Variants in PHRF1 observed in about 807,000 individuals in gnomAD.
PHRF1 encodes the protein PHD and RING finger domain-containing protein 1.
A neutral mutation model predicts 128.9 loss-of-function variants in PHRF1; 53 were observed. That is an observed-to-expected ratio of 0.41 (90% confidence interval 0.33 to 0.52). The LOEUF (loss-of-function observed/expected upper bound fraction) is 0.52. PHRF1 is among the 20% of genes least tolerant of loss of function. The pLI is 0.21. For synonymous variants in PHRF1, 1,178 were observed against 980.6 expected (o/e 1.20, Z -3.76); for missense variants, 2,503 against 2,284.5 (o/e 1.10, Z -1.95).
chr11:596,570 C>T (rs1855289886), intron 6 of PHRF1, among the ~76,000 whole-genome samples: 1 of 152,204 alleles, frequency 6.6e-6, no homozygotes, highest in Admixed American at 6.5e-5. Flanking sequence ...GCGTAAACCG[C>T]AGGTCTTCCT....
intron 6 of PHRF1, among the ~76,000 whole-genome samples, chr11:594,894 TAAAAC>T (rs71462100): frequency 0.32 from 49,100 of 151,928 alleles, 8,242 homozygotes; most frequent in Admixed American, 0.43. Context: ...ACTTGGCAGA[TAAAAC>T]AACGCAAGTA....
Position 607,115 on chromosome 11 carries a change from A to G in PHRF1, c.1659A>G (p.Glu553=). The G allele has an allele frequency of 1.2e-6, 2 of 1,609,042 alleles. No individual in the cohort carries two copies. The highest frequency in any genetic ancestry group is 2.2e-5 in the East Asian group (1 of 44,770). Residue 553 remains glutamate (E), a synonymous_variant, in exon 14 of 18, where the codon GAA becomes GAG. Coordinates refer to ENST00000264555, the MANE Select transcript of PHRF1 (RefSeq NM_001286581.2). ...RNSGSLSRGE[E]GFKGCLQPRA... The stretch of plus-strand genomic sequence containing the variant: ...CAGGCAGTCTGTCCAGAGGGGAAGA[A>G]GGATTCAAGGGCTGCCTGCAGCCCC...
intron 4 of PHRF1, among the ~76,000 whole-genome samples, chr11:588,691 AT>A (rs1182511646): frequency 3.3e-5 from 5 of 150,436 alleles, no homozygotes; most frequent in South Asian, 2.1e-4. Context: ...TTTTATTTTT[AT>A]TTTTTTTTGT....
chr11:576,713 C>T, intron 1 of PHRF1, 121 bp downstream of exon 1: 1 of 146,874 alleles, frequency 6.8e-6, no homozygotes, highest in East Asian at 2.0e-4. Context: ...CCGCGCTGGC[C>T]GCGGGCCGGG....
At chr11:605,344 C>T (rs1855880769) in intron 11 of PHRF1, 44 bp downstream of exon 11, 1 of 1,599,206 alleles carries the variant, frequency 6.3e-7, no homozygotes, top group Admixed American at 1.7e-5. Context: ...CCGCTCCTCT[C>T]CCTGGGGGCT....
intron 1 of PHRF1, among the ~76,000 whole-genome samples, chr11:580,445 G>A (rs1854137554): frequency 6.6e-6 from 1 of 152,120 alleles, no homozygotes; most frequent in Non-Finnish European, 1.5e-5. Context: ...CCGAGGGGTG[G>A]GCCTGGCCTC....
rs201641830 is a variant in PHRF1, at chr11:587,343, A to G, written c.299A>G (p.Asn100Ser). The change falls in exon 4 of 18, where the codon AAT (asparagine) becomes AGT (serine). Residue 100 changes from asparagine (N) to serine (S), a missense_variant. Physicochemically the swap from Asn to Ser is conservative, Grantham distance 46 (BLOSUM62 1). Transcript: ENST00000264555. ...AAACTGGAAGCCGCTGGCTCTTTCA[A>G]TTCTGATGATGATGCAGAGAGCTGC... ...QGKLEAAGSF[N>S]SDDDAESCPI... 113 of 1,613,694 alleles carry G rather than the reference A, an allele frequency of 7.0e-5. No individual in the cohort carries two copies. The highest frequency in any genetic ancestry group is 1.7e-4 in the Middle Eastern group (1 of 6,034).
chr11:592,474 A>T, intron 5 of PHRF1, 85 bp from the exon 6 acceptor site: 1 of 1,353,356 alleles, frequency 7.4e-7, no homozygotes, highest in Non-Finnish European at 1.1e-6. Context: ...CAATGGGTGG[A>T]TTCTGGATTA....
rs202144590 is a variant in PHRF1, at chr11:609,002, G to C, written c.3546G>C (p.Glu1182Asp). 1.2e-6 allele frequency: 2 copies of C among 1,601,620 alleles called. No homozygotes were observed. The highest frequency in any genetic ancestry group is 1.7e-6 in the Non-Finnish European group (2 of 1,175,166). ...AGCACAGGCGGCCTCGGTCCCGTGA[G>C]AAGTGGCCGCAGACCCGGTCCCATT... ...AREHRRPRSREKWPQTRSHSP... is the reference protein window; with the variant it reads ...AREHRRPRSRDKWPQTRSHSP... The change falls in exon 14 of 18, where the codon GAG becomes GAC. Residue 1182 changes from glutamate (E) to aspartate (D), a missense_variant. By Grantham distance (45) the Glu-to-Asp change is conservative. Transcript: ENST00000264555.
rs561615027 is a variant in PHRF1, at chr11:607,475, A to T, written c.2019A>T (p.Arg673Ser). The change falls in exon 14 of 18, where the codon AGA becomes AGT. Residue 673 changes from arginine to serine, a missense_variant. Coordinates refer to ENST00000264555, the MANE Select transcript of PHRF1 (RefSeq NM_001286581.2). Reference sequence around the variant, plus strand: ...CTCCCCTGAAGCCAGCGCCCAGAAGAACAGACATCTCTGAGCTACCCAGGA... The same window carrying T: ...CTCCCCTGAAGCCAGCGCCCAGAAGTACAGACATCTCTGAGCTACCCAGGA... The part of the protein sequence containing the change: ...PGPPLKPAPR[R>S]TDISELPRIP... 1.2e-6 allele frequency: 2 copies of T among 1,612,840 alleles called. No homozygotes were observed. The highest frequency in any genetic ancestry group is 1.7e-6 in the Non-Finnish European group (2 of 1,179,872).
At chr11:589,749 T>A (rs1183942559) in intron 4 of PHRF1, among the ~76,000 whole-genome samples, 2 of 152,190 alleles carry the variant, frequency 1.3e-5, no homozygotes, top group South Asian at 2.1e-4. Flanking sequence ...TCTGAGAGAG[T>A]GTCTGCAAAC....
intron 1 of PHRF1, among the ~76,000 whole-genome samples, chr11:579,837 A>G (rs1168326671): frequency 6.6e-6 from 1 of 152,250 alleles, no homozygotes; most frequent in African/African-American, 2.4e-5. Flanking sequence ...TTTATAAGGC[A>G]TCATCTTAGA....
At chr11:578,202 C>T (rs1032053114) in intron 1 of PHRF1, among the ~76,000 whole-genome samples, 2 of 152,188 alleles carry the variant, frequency 1.3e-5, no homozygotes, top group African/African-American at 4.8e-5. Context: ...AGGTCTTGTG[C>T]CTGGTGCTTG....
At chr11:582,106 G>T (rs748960022) in intron 3 of PHRF1, 25 bp downstream of exon 3, 2 of 1,565,718 alleles carry the variant, frequency 1.3e-6, no homozygotes, top group Admixed American at 1.9e-5. Context: ...GTTCACGCCG[G>T]CTCCTGTGTT....
rs116254170 is a variant in PHRF1, at chr11:592,873, A to G, written c.620+199A>G. Among the ~76,000 whole-genome samples, 1,042 of 152,372 alleles carry G rather than the reference A, an allele frequency of 6.8e-3. 15 individuals are homozygous for G. The highest frequency in any genetic ancestry group is 0.024 in the African/African-American group (991 of 41,582). On this transcript the variant is annotated intron_variant, in intron 6 of 17. Coordinates refer to ENST00000264555, the MANE Select transcript of PHRF1 (RefSeq NM_001286581.2). ...ACACTTCAGTCTTTCCCCAAAAAAC[A>G]TTCTGAGGCTGCCCACAGAAGTGCA...
chr11:589,938 G>A (rs1032310722), intron 4 of PHRF1, among the ~76,000 whole-genome samples: 1 of 144,524 alleles, frequency 6.9e-6, no homozygotes, highest in Admixed American at 6.7e-5. Flanking sequence ...GTCTGCAAAC[G>A]GGCACGGAGC....
chr11:611,999 T>C lies in PHRF1; in HGVS notation c.*222T>C. 1.6e-6 allele frequency: 1 copy of C among 637,984 alleles called. No individual in the cohort carries two copies. The highest frequency in any genetic ancestry group is 2.8e-5 in the East Asian group (1 of 35,834). 39.5% of individuals were successfully genotyped at this position (637,984 alleles called of 1,614,324 possible). ...CACAGTTGAAAACTGGACACTTTTG[T>C]ATGTATATTATAGAGACACTGTTTC... On this transcript the variant is annotated 3_prime_UTR_variant, in exon 18 of 18. Coordinates refer to ENST00000264555, the MANE Select transcript of PHRF1 (RefSeq NM_001286581.2).
At chr11:601,820 A>T in intron 10 of PHRF1, 119 bp downstream of exon 10, 7 of 1,269,506 alleles carry the variant, frequency 5.5e-6, no homozygotes, top group Non-Finnish European at 7.6e-6. Flanking sequence ...TGGAGCAGGG[A>T]TCATCATCGT....
rs1213582140 is a variant in PHRF1, at chr11:601,691, A to C, written c.1142A>C (p.Lys381Thr). 1.2e-6 allele frequency: 2 copies of C among 1,613,720 alleles called. No individual in the cohort carries two copies. The highest frequency in any genetic ancestry group is 4.5e-5 in the East Asian group (2 of 44,900). The part of the protein sequence containing the change: ...RQHRVKKRRG[K>T]KVKSEATTRS... ...CATCGAGTGAAGAAGAGAAGAGGGA[A>C]GAAGGTAAAGGTGAGCATTGGGTGG... The change falls in exon 10 of 18, where the codon AAG (lysine) becomes ACG (threonine). Residue 381 changes from lysine (K) to threonine (T), a missense_variant. Lys to Thr is a moderately conservative substitution (Grantham distance 78, BLOSUM62 -1). Transcript: ENST00000264555.
Sources: gnomAD v4.1 joint callset for allele counts (sites outside exome capture counted in the v4.1 genomes callset) on GRCh38, gnomAD v4.1.1 for gene constraint, MANE v1.5 for transcripts, NCBI Gene and HGNC (gene_info 2026-07-23, HGNC 2026-07-21) for gene names.